The following PDE8A variants were observed in gnomAD, a reference collection of about 807,000 sequenced individuals.
The protein encoded by PDE8A is high affinity cAMP-specific and IBMX-insensitive 3',5'-cyclic phosphodiesterase 8A.
In PDE8A, 59 loss-of-function variants were observed where a neutral mutation model predicts 105.0. The ratio of observed to expected loss-of-function variants is 0.56; its 90% confidence interval spans 0.46 to 0.70. The LOEUF (loss-of-function observed/expected upper bound fraction) is 0.70, where lower values mean the gene tolerates loss of function less well. PDE8A is among the 30% of genes least tolerant of loss of function. PDE8A has a pLI of 0.00. For synonymous variants in PDE8A, 355 were observed against 371.9 expected, an observed-to-expected ratio of 0.95 and a Z score of 0.52; for missense variants, 1,014 against 1,045.9, an observed-to-expected ratio of 0.97 and a Z score of 0.42.
chr15:85,067,068 T>C lies in PDE8A; in HGVS notation c.298T>C (p.Cys100Arg). 6.2e-7 allele frequency: 1 copy of C among 1,613,866 alleles called. No individual in the cohort carries two copies. Among genetic ancestry groups the C allele is most frequent in the Non-Finnish European group, 8.5e-7 (1 of 1,179,768 alleles). ...CCAATGTAATGGATTCTGCAGGGCA[T>C]GTGAAAAAGCAGGGTTTAAGTGTAC... The part of the protein sequence containing the change: ...DNQCNGFCRA[C>R]EKAGFKCTVT... The change falls in exon 3 of 22, where the codon TGT becomes CGT. Residue 100 changes from cysteine (C) to arginine (R), a missense_variant. Coordinates refer to ENST00000394553, the MANE Select transcript of PDE8A (RefSeq NM_002605.3).
intron 18 of PDE8A, 139 bp downstream of exon 18, chr15:85,121,153 G>A: frequency 1.7e-6 from 1 of 599,828 alleles, no homozygotes; most frequent in Non-Finnish European, 2.8e-6. Flanking sequence ...AGTGGCTCAT[G>A]CCTATAATCC....
chr15:85,109,626 A>G (rs1196979729), intron 12 of PDE8A, among the ~76,000 whole-genome samples: 2 of 152,250 alleles, frequency 1.3e-5, no homozygotes, highest in Non-Finnish European at 2.9e-5. Flanking sequence ...AAATGTAGTC[A>G]ACATTGTTTA....
intron 1 of PDE8A, among the ~76,000 whole-genome samples, chr15:85,044,772 C>T (rs931609216): frequency 4.6e-5 from 7 of 152,222 alleles, no homozygotes; most frequent in Non-Finnish European, 8.8e-5. Context: ...CTCATCCTCC[C>T]GTAGTTCATT....
chr15:84,998,182 G>A (rs1488826896), intron 1 of PDE8A, among the ~76,000 whole-genome samples: 1 of 152,172 alleles, frequency 6.6e-6, no homozygotes, highest in Admixed American at 6.5e-5. Context: ...AATTTATGGA[G>A]GAGGAAATCG....
intron 1 of PDE8A, among the ~76,000 whole-genome samples, chr15:85,008,355 C>T (rs1160606011): frequency 6.6e-6 from 1 of 151,878 alleles, no homozygotes; most frequent in Non-Finnish European, 1.5e-5. Flanking sequence ...GTGCTGATAC[C>T]CGTAATACTC....
chr15:85,014,192 G>C (rs1042131700), intron 1 of PDE8A, among the ~76,000 whole-genome samples: 1 of 151,712 alleles, frequency 6.6e-6, no homozygotes, highest in African/African-American at 2.4e-5. Context: ...AGGCTACCAG[G>C]CTGGAGTGCA....
At chr15:85,095,877 T>TTATATATATATATATATATATATA (rs1567281622) in intron 8 of PDE8A, among the ~76,000 whole-genome samples, 3 of 148,720 alleles carry the variant, frequency 2.0e-5, no homozygotes, top group African/African-American at 7.4e-5. Context: ...TATATATATT[T>TTATATATATATATATATATATATA]TTTTTATATA....
chr15:85,059,204 T>C (rs925882512), intron 1 of PDE8A, among the ~76,000 whole-genome samples: 8 of 152,256 alleles, frequency 5.3e-5, no homozygotes, highest in South Asian at 2.1e-4. Flanking sequence ...ACTTTTGTTA[T>C]TGATTTCTCA....
At chr15:85,131,447 C>G (rs536767249) in intron 20 of PDE8A, among the ~76,000 whole-genome samples, 1 of 152,198 alleles carries the variant, frequency 6.6e-6, no homozygotes, top group African/African-American at 2.4e-5. Context: ...TTGTGGATAC[C>G]ATAGAGATTG....
rs2082114512 is a variant in PDE8A at position 85,117,506 on chromosome 15, G to T, written c.1536-135G>T. On this transcript the variant is annotated intron_variant, in intron 16 of 21. Coordinates refer to ENST00000394553, the MANE Select transcript of PDE8A (RefSeq NM_002605.3). ...AGTTGGTTGGCCCCACCAGAGAGAG[G>T]CCAGCACAGCCCAAGCAATCTCCAC... is the stretch of plus-strand genomic sequence containing the variant. 6.8e-6 allele frequency: 5 copies of T among 733,180 alleles called. No individual in the cohort carries two copies. In the East Asian group the frequency reaches 1.3e-4, roughly 18 times the overall value. The allele number at this position is 733,180 out of a possible 1,614,324, so 45.4% of individuals were successfully genotyped here. A position where few individuals can be genotyped will look rare whatever the true frequency, so the allele number is the denominator to read the frequency against.
At chr15:85,016,558 G>A (rs1207653524) in intron 1 of PDE8A, among the ~76,000 whole-genome samples, 1 of 152,124 alleles carries the variant, frequency 6.6e-6, no homozygotes, top group Admixed American at 6.6e-5. Flanking sequence ...TAATTATAGA[G>A]CTGTATAAGA....
At chr15:85,014,949 A>G (rs2080300152) in intron 1 of PDE8A, among the ~76,000 whole-genome samples, 1 of 152,078 alleles carries the variant, frequency 6.6e-6, no homozygotes, top group Non-Finnish European at 1.5e-5. Context: ...CTACACCCCC[A>G]GCCTCTGGCA....
At chr15:85,113,332 C>G in intron 12 of PDE8A, 45 bp from the exon 13 acceptor site, 1 of 1,523,552 alleles carries the variant, frequency 6.6e-7, no homozygotes, top group South Asian at 1.1e-5. Flanking sequence ...AAGACAGGTG[C>G]CCAGAGTTGT....
chr15:85,100,055 G>C lies in PDE8A; in HGVS notation c.982G>C (p.Gly328Arg). Residue 328 changes from glycine to arginine, a missense_variant, in exon 10 of 22, where the codon GGC becomes CGC. By Grantham distance (125) the Gly-to-Arg change is moderately radical. Transcript: ENST00000394553. Reference sequence around the variant, plus strand: ...TGTGTCCATTATCAGAGTGTGCAATGGCAACAATAAGGTACGTAAGGAGAG... The same window carrying C: ...TGTGTCCATTATCAGAGTGTGCAATCGCAACAATAAGGTACGTAAGGAGAG... ...HYVSIIRVCN[G>R]NNKAEKISEC... is the part of the protein sequence containing the mutation. 1.2e-6 allele frequency: 2 copies of C among 1,613,756 alleles called. No individual in the cohort carries two copies. The highest frequency in any genetic ancestry group is 1.7e-6 in the Non-Finnish European group (2 of 1,179,808).
chr15:85,052,708 A>G (rs1363988327), intron 1 of PDE8A, among the ~76,000 whole-genome samples: 5 of 152,124 alleles, frequency 3.3e-5, no homozygotes, highest in Non-Finnish European at 5.9e-5. Flanking sequence ...AGTTCTTTGT[A>G]GATTCTGGAT....
rs1398662375 is a variant in PDE8A, at chr15:85,066,880, A to G, written c.244-134A>G. On this transcript the variant is annotated intron_variant, in intron 2 of 21. Coordinates refer to ENST00000394553, the MANE Select transcript of PDE8A (RefSeq NM_002605.3). ...CTTGAACCTGGGAGGCAGAGGTTGC[A>G]GTGAGCCAAGATCATGCCATTACAC... 5 of 602,668 alleles carry G rather than the reference A, an allele frequency of 8.3e-6. No homozygotes were observed. The East Asian group carries it at 1.2e-4, about 15-fold the overall frequency. The allele number at this position is 602,668 out of a possible 1,614,324, so 37.3% of individuals were successfully genotyped here.
intron 1 of PDE8A, among the ~76,000 whole-genome samples, chr15:85,012,717 AAAG>A (rs776555359): frequency 6.6e-6 from 1 of 152,132 alleles, no homozygotes; most frequent in East Asian, 1.9e-4. Flanking sequence ...AATAAAAAAA[AAAG>A]AAGAAAATAA....
chr15:85,038,581 T>G (rs112999572), intron 1 of PDE8A, among the ~76,000 whole-genome samples: 34 of 152,078 alleles, frequency 2.2e-4, no homozygotes, highest in African/African-American at 8.2e-4. Flanking sequence ...GAGAAAAGAT[T>G]TGCAAATCAC....
chr15:85,025,469 C>T (rs1306238211), intron 1 of PDE8A, among the ~76,000 whole-genome samples: 1 of 152,046 alleles, frequency 6.6e-6, no homozygotes, highest in Non-Finnish European at 1.5e-5. Context: ...ATGTTATTAT[C>T]GTAACTAGTG....
Sources: allele counts gnomAD v4.1 joint callset (sites outside exome capture counted in the v4.1 genomes callset), GRCh38; gene constraint gnomAD v4.1.1; transcripts MANE v1.5; gene names NCBI Gene and HGNC (gene_info 2026-07-23, HGNC 2026-07-21).